Variants in NFIB observed in about 807,000 individuals in gnomAD.
NFIB encodes the protein nuclear factor 1 B-type.
A neutral mutation model predicts 61.5 loss-of-function variants in NFIB; 11 were observed. The ratio of observed to expected loss-of-function variants is 0.18; its 90% confidence interval spans 0.11 to 0.30. NFIB has a LOEUF of 0.30. Among genes scored for constraint, NFIB ranks in the 10% least tolerant of loss-of-function variants. NFIB has a pLI of 1.00. For missense variants in NFIB, 471 were observed against 608.9 expected (o/e 0.77, Z 2.38); for synonymous variants, 260 against 216.5 (o/e 1.20, Z -1.76).
At chr9:14,441,297 G>T in the NFIB span, among the ~76,000 whole-genome samples, 1 of 152,150 alleles carries the variant, frequency 6.6e-6, no homozygotes, top group East Asian at 1.9e-4. Flanking sequence ...AAAAGTAATT[G>T]AAGTTTGTGA....
chr9:14,489,740 C>A, the NFIB span, among the ~76,000 whole-genome samples: 2 of 151,778 alleles, frequency 1.3e-5, no homozygotes, highest in South Asian at 2.1e-4. Context: ...TGGTAGTTTG[C>A]TTTTATATTT....
At chr9:14,291,853 T>C (rs1187112510) in intron 2 of NFIB, among the ~76,000 whole-genome samples, 1 of 152,114 alleles carries the variant, frequency 6.6e-6, no homozygotes, top group Non-Finnish European at 1.5e-5. Context: ...TTTTCTTATG[T>C]TATTGGAAAA....
intron 2 of NFIB, among the ~76,000 whole-genome samples, chr9:14,202,127 T>C (rs1563895616): frequency 1.3e-5 from 1 of 78,178 alleles, no homozygotes; most frequent in Non-Finnish European, 3.1e-5. Context: ...ATTGATACTT[T>C]TCACACACAC....
the NFIB span, among the ~76,000 whole-genome samples, chr9:14,414,958 A>G: frequency 6.6e-6 from 1 of 152,160 alleles, no homozygotes; most frequent in East Asian, 1.9e-4. Flanking sequence ...ATAAACCACC[A>G]CACATTTAAC....
At chr9:14,442,836 G>A in the NFIB span, among the ~76,000 whole-genome samples, 2 of 152,208 alleles carry the variant, frequency 1.3e-5, no homozygotes, top group East Asian at 3.9e-4. Flanking sequence ...ACCATGAGCT[G>A]CTATTTTTAT....
At chr9:14,462,431 C>T in the NFIB span, among the ~76,000 whole-genome samples, 43 of 152,134 alleles carry the variant, frequency 2.8e-4, no homozygotes, top group African/African-American at 9.9e-4. Context: ...TACAGGCACC[C>T]GCCACCACGC....
At chr9:14,287,400 G>T (rs2058783524) in intron 2 of NFIB, among the ~76,000 whole-genome samples, 1 of 150,538 alleles carries the variant, frequency 6.6e-6, no homozygotes, top group South Asian at 2.2e-4. Flanking sequence ...CTGCACTCCA[G>T]CCTGGGTGAC....
chr9:14,235,616 T>C (rs2053660753), intron 2 of NFIB, among the ~76,000 whole-genome samples: 1 of 152,206 alleles, frequency 6.6e-6, no homozygotes, highest in South Asian at 2.1e-4. Flanking sequence ...TTATTTCTTA[T>C]TTTTAAAAAA....
At chr9:14,243,608 T>C (rs1313517427) in intron 2 of NFIB, among the ~76,000 whole-genome samples, 1 of 117,344 alleles carries the variant, frequency 8.5e-6, no homozygotes, top group Non-Finnish European at 2.2e-5. Flanking sequence ...ATTGGGTATT[T>C]TTTAAAAAAA....
At chr9:14,347,880 G>A (rs192406481) in intron 1 of NFIB, among the ~76,000 whole-genome samples, 14 of 152,294 alleles carry the variant, frequency 9.2e-5, no homozygotes, top group Admixed American at 3.9e-4. Flanking sequence ...CGCCCAGCAA[G>A]GGCCGAGCGC....
rs192731726 is a variant in NFIB at position 14,226,590 on chromosome 9, C to T, written c.563-46810G>A. Among the ~76,000 whole-genome samples the T allele has an allele frequency of 1.9e-4, 29 of 149,884 alleles. No individual in the cohort carries two copies. In the East Asian group the frequency reaches 4.5e-3, roughly 23 times the overall value. On this transcript the variant is annotated intron_variant, in intron 2 of 10. Transcript: ENST00000380953. ...GCAATGAATATATAAGCATATTAGT[C>T]TTAAAAAATACTTCTTATGAGCTTT...
chr9:14,094,284 G>A (rs1563777039), intron 10 of NFIB: 2 of 152,090 alleles, frequency 1.3e-5, no homozygotes, highest in Non-Finnish European at 2.9e-5. Flanking sequence ...ATATCACAAT[G>A]AAATTCCTGT....
chr9:14,344,772 G>GA (rs931740373), intron 1 of NFIB, among the ~76,000 whole-genome samples: 3 of 127,172 alleles, frequency 2.4e-5, no homozygotes, highest in South Asian at 2.3e-4. Flanking sequence ...ACAAAAAGGA[G>GA]AAAAAAAATC....
the NFIB span, among the ~76,000 whole-genome samples, chr9:14,437,375 G>A: frequency 6.6e-6 from 1 of 152,162 alleles, no homozygotes; most frequent in Non-Finnish European, 1.5e-5. Flanking sequence ...CCCTGCCTAT[G>A]GCAACACATT....
At chr9:14,477,425 T>C in the NFIB span, among the ~76,000 whole-genome samples, 13 of 152,218 alleles carry the variant, frequency 8.5e-5, no homozygotes, top group Non-Finnish European at 1.6e-4. Flanking sequence ...GATTTCTCAA[T>C]ATCAGAACCA....
intron 2 of NFIB, among the ~76,000 whole-genome samples, chr9:14,218,485 C>T (rs1168501196): frequency 6.6e-6 from 1 of 152,168 alleles, no homozygotes; most frequent in East Asian, 1.9e-4. Flanking sequence ...ATGTGAGACG[C>T]TGAAGGTGCA....
intron 2 of NFIB, among the ~76,000 whole-genome samples, chr9:14,245,016 C>T (rs2054755202): frequency 6.6e-6 from 1 of 152,112 alleles, no homozygotes; most frequent in South Asian, 2.1e-4. Context: ...GTCAGCATTC[C>T]CCTGGTTCTC....
intron 1 of NFIB, among the ~76,000 whole-genome samples, chr9:14,378,994 A>G (rs1208542843): frequency 6.6e-6 from 1 of 152,222 alleles, no homozygotes; most frequent in Non-Finnish European, 1.5e-5. Context: ...GGCATTTGAG[A>G]TGATAGAGAG....
intron 2 of NFIB, among the ~76,000 whole-genome samples, chr9:14,287,181 C>T (rs2058761382): frequency 6.6e-6 from 1 of 150,918 alleles, no homozygotes; most frequent in Admixed American, 6.6e-5. Context: ...CCTGTAATCC[C>T]AGCACTCTGG....
Sources: allele counts gnomAD v4.1 joint callset (sites outside exome capture counted in the v4.1 genomes callset), GRCh38; gene constraint gnomAD v4.1.1; transcripts MANE v1.5; gene names NCBI Gene and HGNC (gene_info 2026-07-23, HGNC 2026-07-21).